PLCB1: variants seen among roughly 807,000 people sequenced by gnomAD.
PLCB1 encodes phospholipase C beta 1.
A neutral mutation model predicts 161.8 loss-of-function variants in PLCB1; 46 were observed. That is an observed-to-expected ratio of 0.28 (90% CI 0.22 to 0.36). The LOEUF is 0.36. Among genes scored for constraint, PLCB1 ranks in the 10% least tolerant of loss-of-function variants. The pLI is 1.00. For synonymous variants in PLCB1, 517 were observed against 503.7 expected, an observed-to-expected ratio of 1.03 and a Z score of -0.35; for missense variants, 1,016 against 1,472.5, an observed-to-expected ratio of 0.69 and a Z score of 5.07.
At chr20:8,605,180 T>C (rs371910786) in intron 3 of PLCB1, among the ~76,000 whole-genome samples, 25 of 152,300 alleles carry the variant, frequency 1.6e-4, no homozygotes, top group Admixed American at 6.5e-4. Context: ...AAATCTGTTG[T>C]ATCTTGTGAG....
chr20:8,717,366 T>C (rs1297179208), intron 13 of PLCB1, among the ~76,000 whole-genome samples: 1 of 152,240 alleles, frequency 6.6e-6, no homozygotes, highest in Non-Finnish European at 1.5e-5. Flanking sequence ...ATCAAGATGA[T>C]TGGGTTTCTA....
chr20:8,778,706 G>A (rs1054518544), intron 27 of PLCB1, among the ~76,000 whole-genome samples: 1 of 152,208 alleles, frequency 6.6e-6, no homozygotes, highest in South Asian at 2.1e-4. Flanking sequence ...CTGTGATTGT[G>A]GATGTGGGTT....
At chr20:8,825,360 C>A (rs903158453) in intron 31 of PLCB1, among the ~76,000 whole-genome samples, 1 of 152,138 alleles carries the variant, frequency 6.6e-6, no homozygotes, top group Non-Finnish European at 1.5e-5. Flanking sequence ...CATCTTGGAG[C>A]AAGTGATATT....
chr20:8,760,354 G>C (rs887081039), intron 24 of PLCB1, 53 bp from the exon 25 acceptor site: 3 of 1,082,386 alleles, frequency 2.8e-6, no homozygotes, highest in Non-Finnish European at 4.2e-6. Flanking sequence ...TTTACAGGAA[G>C]AATAAAATTT....
intron 31 of PLCB1, among the ~76,000 whole-genome samples, chr20:8,827,111 C>T (rs1985743487): frequency 6.6e-6 from 1 of 152,120 alleles, no homozygotes; most frequent in African/African-American, 2.4e-5. Context: ...TAAGTTTATA[C>T]TATATGATAG....
chr20:8,158,071 T>G (rs1440053083), intron 2 of PLCB1, among the ~76,000 whole-genome samples: 9 of 152,252 alleles, frequency 5.9e-5, no homozygotes, highest in African/African-American at 2.2e-4. Flanking sequence ...ATGAAGCTAT[T>G]ATAATGGAAT....
intron 31 of PLCB1, 101 bp from the exon 32 acceptor site, chr20:8,881,521 T>G: frequency 1.2e-6 from 1 of 843,958 alleles, no homozygotes; most frequent in Non-Finnish European, 2.0e-6. Flanking sequence ...AGTTAATGTA[T>G]TCATCAGCCC....
intron 23 of PLCB1, among the ~76,000 whole-genome samples, chr20:8,744,363 G>A (rs1292734510): frequency 6.6e-6 from 1 of 152,048 alleles, no homozygotes; most frequent in Admixed American, 6.6e-5. Context: ...TGCTTCAAGA[G>A]AACATTTCAA....
At chr20:8,440,763 G>C (rs1980523820) in intron 3 of PLCB1, among the ~76,000 whole-genome samples, 1 of 151,702 alleles carries the variant, frequency 6.6e-6, no homozygotes, top group Non-Finnish European at 1.5e-5. Flanking sequence ...ACAATCATAT[G>C]GTATATAGTA....
chr20:8,588,035 G>T (rs1170429033), intron 3 of PLCB1, among the ~76,000 whole-genome samples: 2 of 152,118 alleles, frequency 1.3e-5, no homozygotes, highest in African/African-American at 4.8e-5. Context: ...CTGTCACTCT[G>T]GTGTTGAGAT....
chr20:8,430,958 CA>C (rs892519144), intron 3 of PLCB1, among the ~76,000 whole-genome samples: 1 of 149,226 alleles, frequency 6.7e-6, no homozygotes, highest in Non-Finnish European at 1.5e-5. Flanking sequence ...GACCATGTCT[CA>C]AAAAAAAGAA....
At chr20:8,315,736 C>G (rs1192923015) in intron 2 of PLCB1, among the ~76,000 whole-genome samples, 1 of 152,028 alleles carries the variant, frequency 6.6e-6, no homozygotes, top group Non-Finnish European at 1.5e-5. Flanking sequence ...GCTATTCTGC[C>G]CCAAGACAGC....
At position 8,748,299 on chromosome 20, in the gene PLCB1, A is replaced by C. The variant is rs141746922; in HGVS notation, c.2523+6726A>C. 1.5e-3 allele frequency among the ~76,000 whole-genome samples: 226 copies of C among 152,286 alleles called. 3 individuals are homozygous for C. The highest frequency in any genetic ancestry group is 5.1e-3 in the African/African-American group (212 of 41,568). On this transcript the variant is annotated intron_variant, in intron 23 of 31. Coordinates refer to ENST00000338037, the MANE Select transcript of PLCB1 (RefSeq NM_015192.4). ...AACTAGGAAAACCATAGTAATCCCCATTTTTAGAGAAGGGAACAATTGCTC... is the reference window on the plus strand; with the variant it reads ...AACTAGGAAAACCATAGTAATCCCCCTTTTTAGAGAAGGGAACAATTGCTC...
At chr20:8,694,988 A>G (rs1374477351) in intron 10 of PLCB1, among the ~76,000 whole-genome samples, 1 of 152,198 alleles carries the variant, frequency 6.6e-6, no homozygotes, top group African/African-American at 2.4e-5. Flanking sequence ...CCTTGTCCCT[A>G]ATGCAGAAAA....
intron 2 of PLCB1, among the ~76,000 whole-genome samples, chr20:8,156,188 TG>T (rs1417375842): frequency 2.6e-4 from 40 of 152,330 alleles, no homozygotes; most frequent in African/African-American, 8.2e-4. Context: ...CAGAAGTTCC[TG>T]GCAATTCACA....
intron 12 of PLCB1, 96 bp downstream of exon 12, chr20:8,708,848 G>T: frequency 4.1e-6 from 3 of 733,506 alleles, no homozygotes; most frequent in Non-Finnish European, 4.8e-6. Context: ...CATGATTAAT[G>T]GTGTTCTTCA....
At chr20:8,395,572 A>C (rs1987746072) in intron 3 of PLCB1, among the ~76,000 whole-genome samples, 1 of 152,054 alleles carries the variant, frequency 6.6e-6, no homozygotes, top group Admixed American at 6.6e-5. Context: ...GAATATCTAA[A>C]ATAAAAATAG....
At chr20:8,291,084 C>T (rs115029231) in intron 2 of PLCB1, among the ~76,000 whole-genome samples, 2,339 of 149,644 alleles carry the variant, frequency 0.016, 72 homozygotes, top group African/African-American at 0.055. Context: ...CCCCATCAAA[C>T]TGAAAATTGA....
At chr20:8,406,071 G>A (rs1449411485) in intron 3 of PLCB1, among the ~76,000 whole-genome samples, 1 of 151,484 alleles carries the variant, frequency 6.6e-6, no homozygotes, top group Non-Finnish European at 1.5e-5. Flanking sequence ...GCCTGTATGT[G>A]TGATGGAGGA....
Sources: gnomAD v4.1 joint callset for allele counts (sites outside exome capture counted in the v4.1 genomes callset) on GRCh38, gnomAD v4.1.1 for gene constraint, MANE v1.5 for transcripts, NCBI Gene and HGNC (gene_info 2026-07-23, HGNC 2026-07-21) for gene names.